The following KIFC2 variants were observed in gnomAD, a reference collection of about 807,000 sequenced individuals.
The protein encoded by KIFC2 is kinesin family member C2, also known as kinesin-like protein KIFC2.
A neutral mutation model predicts 91.5 loss-of-function variants in KIFC2; 94 were observed. The observed-to-expected ratio is 1.03, with a 90% CI of 0.87 to 1.22. The LOEUF (loss-of-function observed/expected upper bound fraction) is 1.22. KIFC2 is among the 50% of genes most tolerant of loss of function. KIFC2 has a pLI of 0.00. For missense variants in KIFC2, 1,357 were observed against 1,103.3 expected (o/e 1.23, Z -3.26); for synonymous variants, 729 against 503.9 (o/e 1.45, Z -5.98).
At chr8:144,472,547 A>C (rs771723293) in intron 15 of KIFC2, 30 bp from the exon 16 acceptor site, 1 of 1,611,960 alleles carries the variant, frequency 6.2e-7, no homozygotes, top group East Asian at 2.2e-5. Flanking sequence ...GGGACCCTGC[A>C]CCTGACCAGC....
At position 144,473,317 on chromosome 8, in the gene KIFC2, C is replaced by T. The variant is rs1477000387; in HGVS notation, c.2304C>T (p.Gly768=). The T allele has an allele frequency of 6.2e-7, 1 of 1,602,516 alleles. No homozygotes were observed. Among genetic ancestry groups the T allele is most frequent in the Non-Finnish European group, 8.5e-7 (1 of 1,175,962 alleles). Residue 768 remains glycine (G), a synonymous_variant, in exon 18 of 18, where the codon GGC becomes GGT. Coordinates refer to ENST00000645548, the MANE Select transcript of KIFC2 (RefSeq NM_001369769.2). ...CCTGCACCCCTACGCCGTCCCCTGG[C>T]AGTCCTCCATGCCCCAGTCCCGACA... The part of the protein sequence containing the change: ...GTPCTPTPSP[G]SPPCPSPDNG...
Position 144,467,488 on chromosome 8 carries a change from C to G in KIFC2, c.473C>G (p.Ser158Cys), listed in dbSNP as rs560703329. 6.4e-7 allele frequency: 1 copy of G among 1,566,086 alleles called. No homozygotes were observed. Among genetic ancestry groups the G allele is most frequent in the South Asian group, 1.2e-5 (1 of 82,762 alleles). ...AACTGGGCCCACCCTACTCCAGGAT[C>G]CACATCCCAAGAAGAAAGCCCTTCC... is the stretch of plus-strand genomic sequence containing the variant. ...PRVRPPSPDG[S>C]TSQEESPSHF... Residue 158 changes from serine to cysteine, a missense_variant, in exon 5 of 18, where the codon TCC becomes TGC. By Grantham distance (112) the Ser-to-Cys change is moderately radical. Coordinates refer to ENST00000645548, the MANE Select transcript of KIFC2 (RefSeq NM_001369769.2).
chr8:144,470,354 C>T (rs898423143), intron 12 of KIFC2, among the ~76,000 whole-genome samples: 3 of 152,262 alleles, frequency 2.0e-5, no homozygotes, highest in African/African-American at 7.2e-5. Context: ...GCAGGGCATG[C>T]CTTGTGCACC....
Position 144,472,152 on chromosome 8 carries a change from C to T in KIFC2, c.1500C>T (p.Asp500=). 1 of 1,613,288 alleles carries T rather than the reference C, an allele frequency of 6.2e-7. No individual in the cohort carries two copies. Among genetic ancestry groups the T allele is most frequent in the Non-Finnish European group, 8.5e-7 (1 of 1,180,026 alleles). ...CCCATCCTCAGGGCCCTCCTGAGGA[C>T]CCCGGCATAGTTCCTAGGGCGCTGC... The part of the protein sequence containing the change: ...KTYSMEGPPE[D]PGIVPRALQS... The change falls in exon 14 of 18, where the codon GAC becomes GAT. Residue 500 remains aspartate, a synonymous_variant. Transcript: ENST00000645548.
rs777568077 is a variant in KIFC2 at position 144,473,393 on chromosome 8, T to C, written c.*4T>C. On this transcript the variant is annotated 3_prime_UTR_variant, in exon 18 of 18. Coordinates refer to ENST00000645548, the MANE Select transcript of KIFC2 (RefSeq NM_001369769.2). ...CGCAGAGGGCCTGCCCCTCTAGTCC[T>C]GGGTCGCGGCCCTGCCCATGGGGTC... 8.9e-6 allele frequency: 14 copies of C among 1,575,704 alleles called. No homozygotes were observed. In the Admixed American group the frequency reaches 2.1e-4, roughly 24 times the overall value.
rs1019606858 is a variant in KIFC2, at chr8:144,472,528, T to G, written c.1731+44T>G. On this transcript the variant is annotated intron_variant, in intron 15 of 17. Coordinates refer to ENST00000645548, the MANE Select transcript of KIFC2 (RefSeq NM_001369769.2). ...CCGAGACCCCGCCCCGTGCTTCCACTTGGGGGCGGGGACCCTGCACCTGAC... is the reference window on the plus strand; with the variant it reads ...CCGAGACCCCGCCCCGTGCTTCCACGTGGGGGCGGGGACCCTGCACCTGAC... 4 of 1,611,658 alleles carry G rather than the reference T, an allele frequency of 2.5e-6. No homozygotes were observed. In the African/African-American group the frequency reaches 5.3e-5, roughly 22 times the overall value.
rs1301338964 is a variant in KIFC2, at chr8:144,473,634, C to G, written c.*245C>G. The G allele has an allele frequency of 1.9e-5, 10 of 537,630 alleles. No individual in the cohort carries two copies. Among genetic ancestry groups the G allele is most frequent in the Non-Finnish European group, 2.8e-5 (9 of 322,598 alleles). The allele number at this position is 537,630 out of a possible 1,614,324, so 33.3% of individuals were successfully genotyped here. On this transcript the variant is annotated 3_prime_UTR_variant, in exon 18 of 18. Coordinates refer to ENST00000645548, the MANE Select transcript of KIFC2 (RefSeq NM_001369769.2). ...ACAGGTCTTGGCTTTCTCCTTATCA[C>G]CATTTGCTGTTATCACGGCACACAG...
chr8:144,473,243 T>C lies in KIFC2; in HGVS notation c.2230T>C (p.Ser744Pro). The C allele has an allele frequency of 6.2e-7, 1 of 1,602,914 alleles. No homozygotes were observed. The highest frequency in any genetic ancestry group is 8.5e-7 in the Non-Finnish European group (1 of 1,175,872). Residue 744 changes from serine to proline, a missense_variant, in exon 18 of 18, where the codon TCC (serine) becomes CCC (proline). Ser to Pro is a moderately conservative substitution (Grantham distance 74). Coordinates refer to ENST00000645548, the MANE Select transcript of KIFC2 (RefSeq NM_001369769.2). ...CCGGCGCCGCAGGGTCCCGCGCTCC[T>C]CCGGGACGCCTTCTTCCCTCAGCAC... ...PARRRRVPRS[S>P]GTPSSLSTDT...
At chr8:144,466,916 C>A in intron 2 of KIFC2, 43 bp from the exon 3 acceptor site, 2 of 1,570,312 alleles carry the variant, frequency 1.3e-6, no homozygotes, top group Non-Finnish European at 1.7e-6. Flanking sequence ...CTGGCTCAAG[C>A]ACGTGACCCG....
At position 144,473,287 on chromosome 8, in the gene KIFC2, G is replaced by A; in HGVS notation, c.2274G>A (p.Gly758=). Residue 758 remains glycine (G), a synonymous_variant, in exon 18 of 18, where the codon GGG becomes GGA. Transcript: ENST00000645548. ...TCAGCACCGACACTCCGCTCACCGG[G>A]ACCCCCTGCACCCCTACGCCGTCCC... The part of the protein sequence containing the change: ...SSLSTDTPLT[G]TPCTPTPSPG... The A allele has an allele frequency of 1.2e-6, 2 of 1,606,098 alleles. No homozygotes were observed. Among genetic ancestry groups the A allele is most frequent in the Non-Finnish European group, 1.7e-6 (2 of 1,177,288 alleles).
At chr8:144,470,908 G>C (rs1824899099) in intron 12 of KIFC2, among the ~76,000 whole-genome samples, 1 of 152,206 alleles carries the variant, frequency 6.6e-6, no homozygotes, top group African/African-American at 2.4e-5. Context: ...CAATGAGTAA[G>C]CTCCAATCAT....
At position 144,467,431 on chromosome 8, in the gene KIFC2, G is replaced by A. The variant is rs961939972; in HGVS notation, c.470-54G>A. 29 of 1,538,436 alleles carry A rather than the reference G, an allele frequency of 1.9e-5. No individual in the cohort carries two copies. The Admixed American group carries it at 4.0e-4, about 21-fold the overall frequency. On this transcript the variant is annotated intron_variant, in intron 4 of 17. Transcript: ENST00000645548. ...GGCCTGGAGTTCGGGGTCATGTTCC[G>A]GAAGATTTGGACTAGAGACCTCTTC...
chr8:144,467,369 G>GC (rs1564746743), intron 4 of KIFC2, 28 bp downstream of exon 4: 3 of 1,567,048 alleles, frequency 1.9e-6, no homozygotes, highest in Non-Finnish European at 2.6e-6. Flanking sequence ...AGTTGAAGAA[G>GC]AACTCTGGAG....
Position 144,474,193 on chromosome 8 carries a change from TG to T in KIFC2, c.*809del. 7.0e-7 allele frequency: 1 copy of T among 1,418,934 alleles called. No individual in the cohort carries two copies. The highest frequency in any genetic ancestry group is 9.5e-7 in the Non-Finnish European group (1 of 1,053,250). The allele number at this position is 1,418,934 out of a possible 1,614,324, so 87.9% of individuals were successfully genotyped here. On this transcript the variant is annotated 3_prime_UTR_variant, in exon 18 of 18. Coordinates refer to ENST00000645548, the MANE Select transcript of KIFC2 (RefSeq NM_001369769.2). ...TCGCCTTGGCTCCCTGTCAACAAGG[TG>T]GGGGTGGGAGCGGGAGGGAGGAGTG...
chr8:144,473,085 C>A (rs754014436), intron 17 of KIFC2, 34 bp downstream of exon 17: 1 of 1,527,336 alleles, frequency 6.5e-7, no homozygotes, highest in East Asian at 2.5e-5. Flanking sequence ...GTGTGCGTGC[C>A]GGTCGCCGCC....
chr8:144,469,623 C>T lies in KIFC2; in HGVS notation c.1356C>T (p.Phe452=), dbSNP rs141511686. 176 of 1,606,176 alleles carry T rather than the reference C, an allele frequency of 1.1e-4. No individual in the cohort carries two copies. The highest frequency in any genetic ancestry group is 6.7e-4 in the South Asian group (60 of 90,134). ...RHRRFRLDWV[F]PPDASQEEVF... is the part of the protein sequence containing the mutation. ...GTCGATTCCGCCTAGACTGGGTCTT[C>T]CCTCCAGACGCCAGCCAGGAGGAGG... The change falls in exon 12 of 18, where the codon TTC becomes TTT. Residue 452 remains phenylalanine, a synonymous_variant. Transcript: ENST00000645548.
Position 144,472,467 on chromosome 8 carries a change from C to T in KIFC2, c.1714C>T (p.Leu572=), listed in dbSNP as rs747400205. 17 of 1,611,944 alleles carry T rather than the reference C, an allele frequency of 1.1e-5. No individual in the cohort carries two copies. Among genetic ancestry groups the T allele is most frequent in the Admixed American group, 1.7e-5 (1 of 59,868 alleles). Residue 572 remains leucine (L), a synonymous_variant, in exon 15 of 18, where the codon CTG becomes TTG. Transcript: ENST00000645548. ...AGLTHWDVPN[L]ETLHQMLKLG... ...CCTCACCCACTGGGACGTGCCCAACCTGGAGACATTGCACCAGGTAGGGCT... is the reference window on the plus strand; with the variant it reads ...CCTCACCCACTGGGACGTGCCCAACTTGGAGACATTGCACCAGGTAGGGCT...
Position 144,472,158 on chromosome 8 carries a change from C to T in KIFC2, c.1506C>T (p.Gly502=). The T allele has an allele frequency of 6.2e-7, 1 of 1,613,286 alleles. No homozygotes were observed. The highest frequency in any genetic ancestry group is 8.5e-7 in the Non-Finnish European group (1 of 1,180,012). ...YSMEGPPEDP[G]IVPRALQSLF... is the part of the protein sequence containing the mutation. ...CTCAGGGCCCTCCTGAGGACCCCGG[C>T]ATAGTTCCTAGGGCGCTGCAGTCGC... is the stretch of plus-strand genomic sequence containing the variant. Residue 502 remains glycine (G), a synonymous_variant, in exon 14 of 18, where the codon GGC becomes GGT. Transcript: ENST00000645548.
At position 144,473,218 on chromosome 8, in the gene KIFC2, C is replaced by A; in HGVS notation, c.2205C>A (p.Ala735=). 6.3e-7 allele frequency: 1 copy of A among 1,592,776 alleles called. No homozygotes were observed. The highest frequency in any genetic ancestry group is 2.3e-5 in the East Asian group (1 of 43,674). ...DRVGQVELGP[A]RRRRVPRSSG... is the part of the protein sequence containing the mutation. ...TGGGTCAAGTGGAGCTGGGGCCAGC[C>A]CGGCGCCGCAGGGTCCCGCGCTCCT... Residue 735 remains alanine, a synonymous_variant, in exon 18 of 18, where the codon GCC becomes GCA. Coordinates refer to ENST00000645548, the MANE Select transcript of KIFC2 (RefSeq NM_001369769.2).
Sources: gnomAD v4.1 joint callset for allele counts (sites outside exome capture counted in the v4.1 genomes callset) on GRCh38, gnomAD v4.1.1 for gene constraint, MANE v1.5 for transcripts, NCBI Gene and HGNC (gene_info 2026-07-23, HGNC 2026-07-21) for gene names.